Variants in SH3KBP1 observed in about 807,000 individuals in gnomAD.
The protein encoded by SH3KBP1 is SH3 domain containing kinase binding protein 1.
In SH3KBP1, 8 loss-of-function variants were observed where a neutral mutation model predicts 50.1. That is an observed-to-expected ratio of 0.16 (90% confidence interval 0.09 to 0.29). The LOEUF (loss-of-function observed/expected upper bound fraction) is 0.29. SH3KBP1 is among the 10% of genes least tolerant of loss of function. The pLI is 1.00. For missense variants in SH3KBP1, 377 were observed against 535.2 expected, an observed-to-expected ratio of 0.70 and a Z score of 2.92; for synonymous variants, 227 against 218.6, an observed-to-expected ratio of 1.04 and a Z score of -0.34.
intron 7 of SH3KBP1, among the ~76,000 whole-genome samples, chrX:19,634,243 A>G (rs920567246): frequency 9.1e-6 from 1 of 109,756 alleles, no homozygotes; most frequent in African/African-American, 3.3e-5. Flanking sequence ...TGCCCCTGCC[A>G]TTCTCCTTTT....
chrX:19,646,419 C>G (rs960342748), intron 6 of SH3KBP1, among the ~76,000 whole-genome samples: 2 of 111,823 alleles, frequency 1.8e-5, no homozygotes, highest in African/African-American at 6.5e-5. Flanking sequence ...CCCTTTGCTA[C>G]CACACGTGTG....
chrX:19,643,415 T>C (rs2061918454), intron 7 of SH3KBP1, among the ~76,000 whole-genome samples: 1 of 102,694 alleles, frequency 9.7e-6, no homozygotes, highest in Non-Finnish European at 2.0e-5. Context: ...TTCAACCTCC[T>C]GGGGTAATCC....
rs201049292 is a variant in SH3KBP1, at chrX:19,819,603, G to A, written c.162+16522C>T. The stretch of plus-strand genomic sequence containing the variant: ...GGGCTCAAGTGATCCTCCCACTCCC[G>A]CTTCCCAAAATGCTGGGATTTCAAA... On this transcript the variant is annotated intron_variant, in intron 2 of 17. Transcript: ENST00000397821. Among the ~76,000 whole-genome samples the A allele has an allele frequency of 1.2e-4, 13 of 111,205 alleles. No individual in the cohort carries two copies. The South Asian group carries it at 3.0e-3, about 26-fold the overall frequency.
At chrX:19,598,889 T>C (rs1476051774) in intron 9 of SH3KBP1, among the ~76,000 whole-genome samples, 1 of 112,111 alleles carries the variant, frequency 8.9e-6, no homozygotes, top group Non-Finnish European at 1.9e-5. Flanking sequence ...TTGTGAGAAT[T>C]ACCAAAATGT....
chrX:19,556,316 A>T (rs1569281549), intron 13 of SH3KBP1, among the ~76,000 whole-genome samples: 2 of 108,222 alleles, frequency 1.8e-5, no homozygotes, highest in Non-Finnish European at 3.8e-5. Context: ...AAGGTCTAAG[A>T]TGAGAAAACT....
At chrX:19,623,438 C>A (rs2067910035) in intron 8 of SH3KBP1, among the ~76,000 whole-genome samples, 1 of 112,456 alleles carries the variant, frequency 8.9e-6, no homozygotes, top group Non-Finnish European at 1.9e-5. Flanking sequence ...GTAATCCCAG[C>A]ACTTTGGGAG....
At chrX:19,744,254 T>C (rs1222964707) in intron 3 of SH3KBP1, among the ~76,000 whole-genome samples, 1 of 112,523 alleles carries the variant, frequency 8.9e-6, no homozygotes, top group Non-Finnish European at 1.9e-5. Flanking sequence ...CCTCTGATCC[T>C]TGTTTTAAGG....
At chrX:19,536,502 G>T (rs754939573) in intron 17 of SH3KBP1, 44 bp from the exon 18 acceptor site, 1 of 905,701 alleles carries the variant, frequency 1.1e-6, no homozygotes, top group Non-Finnish European at 1.6e-6. Flanking sequence ...ATAATGAATC[G>T]GCTGGTTTTA....
intron 3 of SH3KBP1, among the ~76,000 whole-genome samples, chrX:19,728,976 G>A (rs1474481327): frequency 8.9e-6 from 1 of 112,469 alleles, no homozygotes; most frequent in Non-Finnish European, 1.9e-5. Context: ...ATTGATAATG[G>A]CTGATAGAGC....
At chrX:19,777,746 G>A (rs1272298225) in intron 2 of SH3KBP1, among the ~76,000 whole-genome samples, 1 of 111,180 alleles carries the variant, frequency 9.0e-6, no homozygotes, top group African/African-American at 3.3e-5. Flanking sequence ...ATGAGGGGTG[G>A]GCCAGAGCAG....
chrX:19,753,087 G>A (rs973619887), intron 2 of SH3KBP1, among the ~76,000 whole-genome samples: 7 of 111,892 alleles, frequency 6.3e-5, no homozygotes, highest in African/African-American at 1.9e-4. Context: ...CTGGTGCCAC[G>A]GACACCAGGG....
intron 1 of SH3KBP1, among the ~76,000 whole-genome samples, chrX:19,861,377 AAAAAAATAAAT>A (rs1428788774): frequency 2.7e-5 from 3 of 110,818 alleles, no homozygotes; most frequent in Non-Finnish European, 5.7e-5. Context: ...ACTCTGTCTC[AAAAAAATAAAT>A]AAAAAATAAA....
At chrX:19,758,571 G>A (rs1462565851) in intron 2 of SH3KBP1, among the ~76,000 whole-genome samples, 1 of 110,856 alleles carries the variant, frequency 9.0e-6, no homozygotes, top group Non-Finnish European at 1.9e-5. Context: ...TGAGGGATGG[G>A]CATTTTTCCC....
intron 4 of SH3KBP1, among the ~76,000 whole-genome samples, chrX:19,696,804 T>G (rs756400948): frequency 5.3e-4 from 60 of 112,152 alleles, no homozygotes; most frequent in African/African-American, 1.9e-3. Flanking sequence ...ATACAACCTT[T>G]GGAATTGTTT....
At chrX:19,667,443 T>C (rs1034567241) in intron 6 of SH3KBP1, among the ~76,000 whole-genome samples, 4 of 110,767 alleles carry the variant, frequency 3.6e-5, no homozygotes, top group African/African-American at 9.9e-5. Flanking sequence ...GGGGGCAACA[T>C]AGTAAGACCC....
intron 12 of SH3KBP1, among the ~76,000 whole-genome samples, chrX:19,577,500 G>A (rs1021763124): frequency 9.0e-5 from 10 of 111,307 alleles, no homozygotes; most frequent in African/African-American, 2.9e-4. Flanking sequence ...ATCCAGAGGG[G>A]CCTGTTCTTC....
At chrX:19,648,681 C>G (rs2062049038) in intron 6 of SH3KBP1, among the ~76,000 whole-genome samples, 1 of 110,789 alleles carries the variant, frequency 9.0e-6, no homozygotes, top group Admixed American at 9.6e-5. Context: ...AGGTAGAAGA[C>G]TGGCTCACAC....
chrX:19,664,354 T>C (rs926350131), intron 6 of SH3KBP1, among the ~76,000 whole-genome samples: 4 of 111,490 alleles, frequency 3.6e-5, no homozygotes, highest in African/African-American at 3.3e-5. Flanking sequence ...AGTCTTCAAC[T>C]GATATGGAAA....
At chrX:19,592,223 T>TTA in intron 10 of SH3KBP1, 76 bp from the exon 11 acceptor site, 2 of 859,518 alleles carry the variant, frequency 2.3e-6, no homozygotes, top group Non-Finnish European at 3.4e-6. Flanking sequence ...ATTTAAATCT[T>TTA]TATCAGGTAG....
Sources: allele counts gnomAD v4.1 joint callset (sites outside exome capture counted in the v4.1 genomes callset), GRCh38; gene constraint gnomAD v4.1.1; transcripts MANE v1.5; gene names NCBI Gene and HGNC (gene_info 2026-07-23, HGNC 2026-07-21).